Variants in SYT13 observed in about 807,000 individuals in gnomAD.
SYT13 encodes synaptotagmin 13.
SYT13 carries 21 observed loss-of-function variants against 38.6 expected under a neutral mutation model. The observed-to-expected ratio is 0.54, with a 90% CI of 0.39 to 0.78. The LOEUF (loss-of-function observed/expected upper bound fraction) is 0.78. Among genes scored for constraint, SYT13 ranks in the 30% least tolerant of loss-of-function variants. SYT13 has a pLI of 0.00. For synonymous variants in SYT13, 241 were observed against 237.6 expected (o/e 1.01, Z -0.13); for missense variants, 495 against 548.7 (o/e 0.90, Z 0.98).
At chr11:45,268,731 GA>G (rs988762692) in intron 1 of SYT13, among the ~76,000 whole-genome samples, 34 of 152,242 alleles carry the variant, frequency 2.2e-4, no homozygotes, top group African/African-American at 7.5e-4. Flanking sequence ...CCCTTCCTGG[GA>G]AGACACAATG....
chr11:45,243,988 A>C lies in SYT13; in HGVS notation c.*64T>G. ...TGGGTGTCAGAATGAGGAAAGGGGCACAGAAAGGAGGTTGCAGAGGACGGG... is the reference window on the plus strand; with the variant it reads ...TGGGTGTCAGAATGAGGAAAGGGGCCCAGAAAGGAGGTTGCAGAGGACGGG... On this transcript the variant is annotated 3_prime_UTR_variant, in exon 6 of 6. Coordinates refer to ENST00000020926, the MANE Select transcript of SYT13 (RefSeq NM_020826.3). 6.7e-7 allele frequency: 1 copy of C among 1,490,622 alleles called. No individual in the cohort carries two copies. The highest frequency in any genetic ancestry group is 2.0e-5 in the Admixed American group (1 of 50,370). 92.3% of individuals were successfully genotyped at this position (1,490,622 alleles called of 1,614,324 possible).
At chr11:45,285,997 GA>G in intron 1 of SYT13, 27 bp downstream of exon 1, 1 of 1,594,086 alleles carries the variant, frequency 6.3e-7, no homozygotes. Context: ...CCTTGCCCGG[GA>G]AGGGCCTGCG....
chr11:45,268,501 A>G (rs1477295405), intron 1 of SYT13, among the ~76,000 whole-genome samples: 1 of 152,176 alleles, frequency 6.6e-6, no homozygotes, highest in Non-Finnish European at 1.5e-5. Context: ...ATGCAGCTTT[A>G]CCATGTATCA....
At chr11:45,249,610 G>A (rs1854650121) in intron 4 of SYT13, among the ~76,000 whole-genome samples, 1 of 152,178 alleles carries the variant, frequency 6.6e-6, no homozygotes. Context: ...GGATATGGAT[G>A]AAGCTGGAAA....
Position 45,286,303 on chromosome 11 carries a change from G to C in SYT13, c.-96C>G. The C allele has an allele frequency of 7.3e-7, 1 of 1,371,478 alleles. No individual in the cohort carries two copies. Among genetic ancestry groups the C allele is most frequent in the South Asian group, 1.5e-5 (1 of 65,986 alleles). 85.0% of individuals were successfully genotyped at this position (1,371,478 alleles called of 1,614,324 possible). ...CAGCTCCCGGGATCCGGGCGAGCCA[G>C]CAGCTCTCCCGCCGCCAGAGGGGCG... is the stretch of plus-strand genomic sequence containing the variant. On this transcript the variant is annotated 5_prime_UTR_variant, in exon 1 of 6. Coordinates refer to ENST00000020926, the MANE Select transcript of SYT13 (RefSeq NM_020826.3).
At position 45,286,335 on chromosome 11, in the gene SYT13, G is replaced by T. The variant is rs1855136773; in HGVS notation, c.-128C>A. The T allele has an allele frequency of 8.8e-7, 1 of 1,139,938 alleles. No homozygotes were observed. The highest frequency in any genetic ancestry group is 2.8e-5 in the East Asian group (1 of 35,160). 70.6% of individuals were successfully genotyped at this position (1,139,938 alleles called of 1,614,324 possible). On this transcript the variant is annotated 5_prime_UTR_variant, in exon 1 of 6. Coordinates refer to ENST00000020926, the MANE Select transcript of SYT13 (RefSeq NM_020826.3). ...TCCCGCCGCCAGAGGGGCGGGGACG[G>T]AGGGAGGGAGGACGGCTGCGAGGAC...
intron 1 of SYT13, among the ~76,000 whole-genome samples, chr11:45,271,550 G>A (rs1221369139): frequency 1.3e-5 from 2 of 152,182 alleles, no homozygotes; most frequent in East Asian, 3.9e-4. Flanking sequence ...AAGGAATGGT[G>A]AGGCTAGGTC....
chr11:45,277,887 A>G (rs550705748), intron 1 of SYT13, among the ~76,000 whole-genome samples: 37 of 152,272 alleles, frequency 2.4e-4, no homozygotes, highest in African/African-American at 8.9e-4. Flanking sequence ...TTCTTCTATA[A>G]ACTCTGGTTT....
chr11:45,259,426 G>A (rs1234272684), intron 1 of SYT13, among the ~76,000 whole-genome samples: 1 of 152,186 alleles, frequency 6.6e-6, no homozygotes, highest in East Asian at 1.9e-4. Flanking sequence ...AGCTCTGAAT[G>A]AAGTTCACTC....
At chr11:45,253,183 A>C (rs968414904) in intron 3 of SYT13, among the ~76,000 whole-genome samples, 3 of 152,196 alleles carry the variant, frequency 2.0e-5, no homozygotes, top group Non-Finnish European at 4.4e-5. Context: ...AATGCTTCAC[A>C]ATGTGTGGCT....
chr11:45,255,057 A>G lies in SYT13; in HGVS notation c.409+609T>C, dbSNP rs143719877. 2.0e-5 allele frequency among the ~76,000 whole-genome samples: 3 copies of G among 152,236 alleles called. No homozygotes were observed. In the East Asian group the frequency reaches 5.8e-4, roughly 29 times the overall value. The stretch of plus-strand genomic sequence containing the variant: ...CTGGAGCCTGGGAGATTGAGGCTGC[A>G]GTGGCCCACGATCATGCCACTGAAC... On this transcript the variant is annotated intron_variant, in intron 2 of 5. Coordinates refer to ENST00000020926, the MANE Select transcript of SYT13 (RefSeq NM_020826.3).
chr11:45,256,020 T>C (rs1312671050), intron 1 of SYT13, 129 bp from the exon 2 acceptor site: 1 of 925,628 alleles, frequency 1.1e-6, no homozygotes, highest in Non-Finnish European at 1.7e-6. Flanking sequence ...CATTCTGCTC[T>C]GAAGAGCACA....
chr11:45,251,858 T>G (rs1854680600), intron 4 of SYT13, among the ~76,000 whole-genome samples: 1 of 152,230 alleles, frequency 6.6e-6, no homozygotes, highest in Non-Finnish European at 1.5e-5. Flanking sequence ...CAGCCCTGAT[T>G]GCTCCTTCAG....
intron 2 of SYT13, among the ~76,000 whole-genome samples, chr11:45,255,251 C>T (rs1461433008): frequency 6.6e-6 from 1 of 152,188 alleles, no homozygotes; most frequent in Non-Finnish European, 1.5e-5. Context: ...AACTCCCCTA[C>T]CAGACAGATA....
intron 1 of SYT13, among the ~76,000 whole-genome samples, chr11:45,266,737 T>A (rs1357371876): frequency 1.3e-5 from 2 of 152,216 alleles, no homozygotes; most frequent in Non-Finnish European, 2.9e-5. Flanking sequence ...AAAATTTTCC[T>A]GGAGAAAATG....
Position 45,252,578 on chromosome 11 carries a change from G to T in SYT13, c.689C>A (p.Ala230Glu). 4 of 1,614,094 alleles carry T rather than the reference G, an allele frequency of 2.5e-6. No homozygotes were observed. Among genetic ancestry groups the T allele is most frequent in the South Asian group, 1.1e-5 (1 of 91,074 alleles). Residue 230 changes from alanine (A) to glutamate (E), a missense_variant, in exon 4 of 6, where the codon GCG (alanine) becomes GAG (glutamate). Physicochemically the swap from Ala to Glu is moderately radical, Grantham distance 107 (BLOSUM62 -1). Transcript: ENST00000020926. This position sits in a 1 kb window ranked among gnomAD's most constrained non-coding sequence, Gnocchi z 4.3. ...TWEEGLVLPL[A>E]EEELPTATLT... ...GGTGGCTGTGGGGAGCTCCTCCTCC[G>T]CCAGGGGGAGCACCAGGCCCTCCTC... is the stretch of plus-strand genomic sequence containing the variant.
chr11:45,280,556 G>T (rs1462423741), intron 1 of SYT13, among the ~76,000 whole-genome samples: 1 of 152,168 alleles, frequency 6.6e-6, no homozygotes, highest in East Asian at 1.9e-4. Flanking sequence ...AGAGCTGGAT[G>T]CATCTTCACA....
chr11:45,253,093 C>G (rs1408673446), intron 3 of SYT13, among the ~76,000 whole-genome samples: 1 of 152,212 alleles, frequency 6.6e-6, no homozygotes, highest in African/African-American at 2.4e-5. Context: ...ATAGTCACCA[C>G]ATAACCATTT....
At chr11:45,272,724 A>G (rs911601470) in intron 1 of SYT13, among the ~76,000 whole-genome samples, 3 of 152,098 alleles carry the variant, frequency 2.0e-5, no homozygotes, top group African/African-American at 4.8e-5. Flanking sequence ...AATGAGAACT[A>G]TTTTTCCTCA....
Sources: allele counts gnomAD v4.1 joint callset (sites outside exome capture counted in the v4.1 genomes callset), GRCh38; gene constraint gnomAD v4.1.1; non-coding constraint Gnocchi (gnomAD v3.1); transcripts MANE v1.5; gene names NCBI Gene and HGNC (gene_info 2026-07-23, HGNC 2026-07-21).